Variants in MAGI2 observed in about 807,000 individuals in gnomAD.
The protein encoded by MAGI2 is membrane associated guanylate kinase, WW and PDZ domain containing 2.
A neutral mutation model predicts 133.3 loss-of-function variants in MAGI2; 35 were observed. That is an observed-to-expected ratio of 0.26 (90% confidence interval 0.20 to 0.35). The LOEUF (loss-of-function observed/expected upper bound fraction) is 0.35. Among genes scored for constraint, MAGI2 ranks in the 10% least tolerant of loss-of-function variants. The probability of loss-of-function intolerance (pLI) is 1.00; values close to 1 mark genes in which losing one functional copy is unlikely to be tolerated. For synonymous variants in MAGI2, 729 were observed against 710.6 expected (o/e 1.03, Z -0.41); for missense variants, 1,636 against 1,863.4 (o/e 0.88, Z 2.25).
chr7:79,164,703 C>T lies in MAGI2; in HGVS notation c.302-157497G>A, dbSNP rs144515521. 3.4e-3 allele frequency among the ~76,000 whole-genome samples: 521 copies of T among 152,176 alleles called. 3 individuals are homozygous for T. The highest frequency in any genetic ancestry group is 0.012 in the African/African-American group (500 of 41,556). Reference sequence around the variant, plus strand: ...TTTACCTAGAGCTTGAAAGTTCCCCCACCTTGACACATTGAATTGCCCTGC... The same window carrying T: ...TTTACCTAGAGCTTGAAAGTTCCCCTACCTTGACACATTGAATTGCCCTGC... On this transcript the variant is annotated intron_variant, in intron 1 of 21. Transcript: ENST00000354212.
chr7:78,489,963 G>T (rs536878083), intron 5 of MAGI2, 123 bp from the exon 6 acceptor site: 4 of 686,712 alleles, frequency 5.8e-6, no homozygotes, highest in Non-Finnish European at 1.0e-5. Flanking sequence ...TTTGCTTACT[G>T]GTTCTAAGTA....
intron 1 of MAGI2, among the ~76,000 whole-genome samples, chr7:79,136,028 G>GAAAGAAA (rs1821448277): frequency 6.2e-4 from 32 of 51,650 alleles, no homozygotes; most frequent in African/African-American, 2.2e-3. Flanking sequence ...AAAGAAAGAA[G>GAAAGAAA]GAAAGAAAGA....
chr7:78,575,689 T>A (rs1384256513), intron 3 of MAGI2, among the ~76,000 whole-genome samples: 1 of 152,132 alleles, frequency 6.6e-6, no homozygotes, highest in Non-Finnish European at 1.5e-5. Context: ...CCCAAACCCA[T>A]AACCCAGACT....
chr7:78,098,225 G>A (rs1817891460), intron 20 of MAGI2, among the ~76,000 whole-genome samples: 1 of 151,998 alleles, frequency 6.6e-6, no homozygotes, highest in Non-Finnish European at 1.5e-5. Context: ...CAAAGGTAAC[G>A]GCTATTCTGT....
chr7:79,297,944 A>G (rs1386760618), intron 1 of MAGI2, among the ~76,000 whole-genome samples: 1 of 152,242 alleles, frequency 6.6e-6, no homozygotes. Context: ...TTTAAGGGAA[A>G]ACAACCATTT....
chr7:79,095,841 T>C (rs2191721), intron 1 of MAGI2, among the ~76,000 whole-genome samples: 128,291 of 152,224 alleles, frequency 0.84, 54,630 homozygotes, highest in Non-Finnish European at 0.88. Flanking sequence ...CACAGAGACA[T>C]GAAGTGAGTG....
At chr7:78,060,266 G>A (rs1277078839) in intron 21 of MAGI2, among the ~76,000 whole-genome samples, 3 of 136,422 alleles carry the variant, frequency 2.2e-5, no homozygotes, top group African/African-American at 5.4e-5. Flanking sequence ...CTTTAGATTA[G>A]ATTGAGAGTG....
At chr7:78,975,298 T>C (rs1013139442) in intron 2 of MAGI2, among the ~76,000 whole-genome samples, 4 of 151,762 alleles carry the variant, frequency 2.6e-5, no homozygotes, top group African/African-American at 4.8e-5. Flanking sequence ...TGCACTTTAA[T>C]AAAATGATAG....
At chr7:79,092,801 T>A (rs1323452118) in intron 1 of MAGI2, among the ~76,000 whole-genome samples, 2 of 152,174 alleles carry the variant, frequency 1.3e-5, no homozygotes, top group Non-Finnish European at 2.9e-5. Flanking sequence ...CTTATTTTTA[T>A]CTCTTTTCAG....
chr7:78,907,492 C>T (rs1221214647), intron 2 of MAGI2, among the ~76,000 whole-genome samples: 1 of 152,006 alleles, frequency 6.6e-6, no homozygotes, highest in Non-Finnish European at 1.5e-5. Flanking sequence ...ATGATTTTTC[C>T]AAGCTCGCTA....
chr7:78,744,529 A>T (rs984538654), intron 2 of MAGI2, among the ~76,000 whole-genome samples: 82 of 152,308 alleles, frequency 5.4e-4, no homozygotes, highest in African/African-American at 1.7e-3. Context: ...CCCACTAACA[A>T]AAAAACGTAT....
At chr7:79,411,819 A>G (rs912276099) in intron 1 of MAGI2, 14 of 152,180 alleles carry the variant, frequency 9.2e-5, no homozygotes, top group African/African-American at 2.4e-4. Flanking sequence ...TCAACTGAAA[A>G]TACATAAATG....
chr7:78,903,116 T>G (rs1797727869), intron 2 of MAGI2, among the ~76,000 whole-genome samples: 1 of 148,706 alleles, frequency 6.7e-6, no homozygotes, highest in Non-Finnish European at 1.5e-5. Flanking sequence ...TATGAACATG[T>G]GAACACATTG....
intron 3 of MAGI2, among the ~76,000 whole-genome samples, chr7:78,561,754 C>T (rs1800429407): frequency 6.6e-6 from 1 of 152,062 alleles, no homozygotes; most frequent in African/African-American, 2.4e-5. Flanking sequence ...AGGTCATTGT[C>T]TGAATTATTA....
intron 3 of MAGI2, among the ~76,000 whole-genome samples, chr7:78,573,064 T>TAC (rs1386714919): frequency 5.2e-5 from 5 of 96,558 alleles, no homozygotes; most frequent in African/African-American, 2.2e-4. Context: ...TATATATATA[T>TAC]ATATATATAT....
chr7:78,439,527 T>C (rs1156791717), intron 6 of MAGI2, among the ~76,000 whole-genome samples: 1 of 152,032 alleles, frequency 6.6e-6, no homozygotes, highest in African/African-American at 2.4e-5. Flanking sequence ...GTGGGACCTT[T>C]GAGGAGGGGG....
rs548054746 is a variant in MAGI2, at chr7:78,891,787, A to C, written c.418+115303T>G. Among the ~76,000 whole-genome samples the C allele has an allele frequency of 7.2e-5, 11 of 152,308 alleles. No individual in the cohort carries two copies. In the South Asian group the frequency reaches 1.2e-3, roughly 17 times the overall value. ...AGCCAATATCATACTGAATGGGCAA[A>C]AACTGGAAGCATTCCCTTTGAAAAC... On this transcript the variant is annotated intron_variant, in intron 2 of 21. Transcript: ENST00000354212.
chr7:78,712,832 T>A (rs1016209970), intron 2 of MAGI2, among the ~76,000 whole-genome samples: 5 of 152,036 alleles, frequency 3.3e-5, no homozygotes, highest in Non-Finnish European at 7.4e-5. Context: ...ACATCAAAAA[T>A]CGAAGAATTT....
chr7:79,321,248 C>A (rs1839158074), intron 1 of MAGI2, among the ~76,000 whole-genome samples: 2 of 152,090 alleles, frequency 1.3e-5, no homozygotes, highest in African/African-American at 4.8e-5. Context: ...CATTTCATAG[C>A]AAGAACCTAC....
Sources: gnomAD v4.1 joint callset for allele counts (sites outside exome capture counted in the v4.1 genomes callset) on GRCh38, gnomAD v4.1.1 for gene constraint, MANE v1.5 for transcripts, NCBI Gene and HGNC (gene_info 2026-07-23, HGNC 2026-07-21) for gene names.